ARHGAP26: variants seen among roughly 807,000 people sequenced by gnomAD.
ARHGAP26 encodes rho GTPase-activating protein 26.
In ARHGAP26, 38 loss-of-function variants were observed where a neutral mutation model predicts 104.8. That is an observed-to-expected ratio of 0.36 (90% CI 0.28 to 0.48). ARHGAP26 has a LOEUF of 0.48. Ranked by LOEUF, ARHGAP26 falls within the 20% of genes least tolerant of loss-of-function variation. ARHGAP26 has a pLI of 0.99. For missense variants in ARHGAP26, 704 were observed against 947.9 expected (o/e 0.74, Z 3.38); for synonymous variants, 341 against 340.0 (o/e 1.00, Z -0.03).
chr5:143,009,717 C>A (rs1778472934), intron 11 of ARHGAP26, among the ~76,000 whole-genome samples: 1 of 152,224 alleles, frequency 6.6e-6, no homozygotes, highest in Non-Finnish European at 1.5e-5. Flanking sequence ...TGGCACGGAT[C>A]TTTAACAAAT....
chr5:143,148,287 C>T (rs956139254), intron 20 of ARHGAP26, among the ~76,000 whole-genome samples: 3 of 152,150 alleles, frequency 2.0e-5, no homozygotes, highest in Admixed American at 1.3e-4. Flanking sequence ...GCTAGGATGT[C>T]GGTAACCTTT....
chr5:142,787,294 TAATTTATATTTCAAGAAGGG>T (rs572465052), intron 1 of ARHGAP26, among the ~76,000 whole-genome samples: 152 of 152,316 alleles, frequency 1.0e-3, no homozygotes, highest in African/African-American at 3.5e-3. Flanking sequence ...AGTAGGTCAA[TAATTTATATTTCAAGAAGGG>T]AAATTTGGGG....
chr5:143,043,436 A>G (rs931741497), intron 14 of ARHGAP26, among the ~76,000 whole-genome samples: 5 of 152,128 alleles, frequency 3.3e-5, no homozygotes, highest in Non-Finnish European at 7.4e-5. Flanking sequence ...ACTTTGTCGA[A>G]CCATTCATTT....
At chr5:143,001,049 A>T (rs1015221090) in intron 11 of ARHGAP26, among the ~76,000 whole-genome samples, 5 of 152,184 alleles carry the variant, frequency 3.3e-5, no homozygotes, top group South Asian at 2.1e-4. Context: ...AAAAAAATTT[A>T]TGCTGAGTGA....
chr5:142,957,531 C>T (rs549040291), intron 11 of ARHGAP26, among the ~76,000 whole-genome samples: 4 of 152,192 alleles, frequency 2.6e-5, no homozygotes, highest in Non-Finnish European at 5.9e-5. Flanking sequence ...ATAAGACCTT[C>T]CTTCCTATAC....
intron 11 of ARHGAP26, among the ~76,000 whole-genome samples, chr5:142,963,225 T>TGTGTGTGTGTGTGTGC (rs1770718040): frequency 6.9e-6 from 1 of 144,154 alleles, no homozygotes; most frequent in African/African-American, 2.7e-5. Context: ...TGTGTGCGCG[T>TGTGTGTGTGTGTGTGC]GTGTGTGTGT....
At chr5:143,136,027 G>A (rs1459002372) in intron 19 of ARHGAP26, among the ~76,000 whole-genome samples, 2 of 152,176 alleles carry the variant, frequency 1.3e-5, no homozygotes, top group Non-Finnish European at 2.9e-5. Context: ...GGACAGCCAC[G>A]GTCACCTAAT....
intron 10 of ARHGAP26, among the ~76,000 whole-genome samples, chr5:142,926,081 G>T (rs1026635317): frequency 1.2e-4 from 19 of 152,216 alleles, no homozygotes; most frequent in African/African-American, 4.1e-4. Flanking sequence ...GGGGCTGGTT[G>T]TGATTCTGTT....
intron 17 of ARHGAP26, among the ~76,000 whole-genome samples, chr5:143,090,775 T>C (rs1186466314): frequency 6.6e-6 from 1 of 152,204 alleles, no homozygotes; most frequent in Non-Finnish European, 1.5e-5. Flanking sequence ...TCTTTAGTGG[T>C]CCGCAGAACA....
At chr5:143,016,998 T>G (rs1168789906) in intron 12 of ARHGAP26, among the ~76,000 whole-genome samples, 1 of 152,238 alleles carries the variant, frequency 6.6e-6, no homozygotes, top group Non-Finnish European at 1.5e-5. Flanking sequence ...TTGATTGTTC[T>G]GCAACACTCC....
intron 1 of ARHGAP26, among the ~76,000 whole-genome samples, chr5:142,858,377 A>T (rs1752759573): frequency 6.6e-6 from 1 of 152,136 alleles, no homozygotes; most frequent in South Asian, 2.1e-4. Context: ...GAAGAAAGTG[A>T]GTGGGGAATG....
chr5:142,959,688 A>C (rs1373198008), intron 11 of ARHGAP26, among the ~76,000 whole-genome samples: 1 of 152,220 alleles, frequency 6.6e-6, no homozygotes, highest in Non-Finnish European at 1.5e-5. Flanking sequence ...CCTGCTTTTA[A>C]AGAGCTCATG....
chr5:143,042,651 TAG>T (rs1783643169), intron 14 of ARHGAP26, among the ~76,000 whole-genome samples: 1 of 152,364 alleles, frequency 6.6e-6, no homozygotes, highest in Admixed American at 6.5e-5. Flanking sequence ...CCCTGGCTTG[TAG>T]AGAGGGACTA....
chr5:142,785,005 C>T lies in ARHGAP26; in HGVS notation c.154+14090C>T, dbSNP rs554417233. Among the ~76,000 whole-genome samples the T allele has an allele frequency of 8.2e-4, 122 of 149,156 alleles. 1 individual carries two copies. The highest frequency in any genetic ancestry group is 2.9e-3 in the African/African-American group (117 of 39,748). On this transcript the variant is annotated intron_variant, in intron 1 of 22. Coordinates refer to ENST00000645722, the MANE Select transcript of ARHGAP26 (RefSeq NM_001135608.3). The stretch of plus-strand genomic sequence containing the variant: ...GCAGTGGCGCGATCTCGGCTCACTG[C>T]AAGCTCCGCCTCCCTCCTGAGTTCA...
chr5:142,924,084 G>A (rs1265724209), intron 10 of ARHGAP26, among the ~76,000 whole-genome samples: 1 of 151,996 alleles, frequency 6.6e-6, no homozygotes, highest in East Asian at 1.9e-4. Context: ...GGATGGTCTC[G>A]ATCTCCTGAC....
intron 18 of ARHGAP26, among the ~76,000 whole-genome samples, chr5:143,125,475 G>A (rs976673117): frequency 1.3e-5 from 2 of 152,178 alleles, no homozygotes; most frequent in African/African-American, 4.8e-5. Context: ...CTAACGACAT[G>A]CTTACCCTGT....
At chr5:142,948,161 T>C (rs960359211) in intron 11 of ARHGAP26, among the ~76,000 whole-genome samples, 1 of 152,160 alleles carries the variant, frequency 6.6e-6, no homozygotes, top group South Asian at 2.1e-4. Context: ...GGATGCCTTT[T>C]CCTTTTCTTA....
chr5:143,206,938 G>A (rs763911326), intron 20 of ARHGAP26, among the ~76,000 whole-genome samples: 32 of 152,200 alleles, frequency 2.1e-4, no homozygotes, highest in Non-Finnish European at 4.0e-4. Flanking sequence ...GTACATGATC[G>A]AAGAAGCTTC....
At chr5:142,806,298 A>G (rs979158544) in intron 1 of ARHGAP26, among the ~76,000 whole-genome samples, 2 of 152,080 alleles carry the variant, frequency 1.3e-5, no homozygotes, top group South Asian at 2.1e-4. Flanking sequence ...GAATCTCACT[A>G]TGTTGCTCAG....
Sources: gnomAD v4.1 joint callset for allele counts (sites outside exome capture counted in the v4.1 genomes callset) on GRCh38, gnomAD v4.1.1 for gene constraint, MANE v1.5 for transcripts, NCBI Gene and HGNC (gene_info 2026-07-23, HGNC 2026-07-21) for gene names.